ALPK1: variants seen among roughly 807,000 people sequenced by gnomAD.
The protein encoded by ALPK1 is alpha kinase 1.
A neutral mutation model predicts 120.6 loss-of-function variants in ALPK1; 110 were observed. The ratio of observed to expected loss-of-function variants is 0.91; its 90% CI spans 0.78 to 1.07. The LOEUF (loss-of-function observed/expected upper bound fraction) is 1.07. Among genes scored for constraint, ALPK1 ranks in the 50% least tolerant of loss-of-function variants. ALPK1 has a pLI of 0.00. For missense variants in ALPK1, 1,498 were observed against 1,483.9 expected, an observed-to-expected ratio of 1.01 and a Z score of -0.16; for synonymous variants, 582 against 560.3, an observed-to-expected ratio of 1.04 and a Z score of -0.55.
chr4:112,308,929 G>T (rs920528998), intron 1 of ALPK1, among the ~76,000 whole-genome samples: 2 of 152,222 alleles, frequency 1.3e-5, no homozygotes, highest in South Asian at 2.1e-4. Flanking sequence ...GGGTTTTGGT[G>T]TGGATGTCCT....
intron 5 of ALPK1, among the ~76,000 whole-genome samples, chr4:112,417,192 C>G (rs1006826656): frequency 2.6e-5 from 4 of 152,118 alleles, no homozygotes; most frequent in African/African-American, 9.7e-5. Context: ...AGACAGCTCT[C>G]TCATTCACAC....
At chr4:112,325,984 T>G (rs533263083) in intron 2 of ALPK1, among the ~76,000 whole-genome samples, 1 of 152,222 alleles carries the variant, frequency 6.6e-6, no homozygotes, top group South Asian at 2.1e-4. Context: ...CCCCTCACAC[T>G]CAAACTGGTG....
In ALPK1 at chr4:112,435,214, TG is replaced by T; in HGVS notation, c.3106del (p.Asp1036ThrfsTer3). ...ACGGCCCAGGAAACTATTGTCTATT[TG>T]GGGGACTACTTGACTGTGAAGAAAA... ...LWTAQETIVYLGDYLTVKKKG... is the reference protein window; with the variant it reads ...LWTAQETIVYXGDYLTVKKKG... On this transcript the variant is annotated frameshift_variant, in exon 12 of 16. Transcript: ENST00000650871. LOFTEE classifies it high-confidence loss of function. The T allele has an allele frequency of 1.2e-6, 2 of 1,613,740 alleles. No homozygotes were observed. Among genetic ancestry groups the T allele is most frequent in the Non-Finnish European group, 1.7e-6 (2 of 1,179,858 alleles).
chr4:112,417,070 T>C (rs1733777529), intron 5 of ALPK1, among the ~76,000 whole-genome samples: 1 of 152,078 alleles, frequency 6.6e-6, no homozygotes, highest in Non-Finnish European at 1.5e-5. Flanking sequence ...TCCAAAAAAT[T>C]GAGAGGACAT....
chr4:112,425,525 T>G, intron 6 of ALPK1, 140 bp from the exon 7 acceptor site: 1 of 663,964 alleles, frequency 1.5e-6, no homozygotes, highest in East Asian at 2.9e-5. Context: ...GCAAGAAGTT[T>G]GGACCTGATT....
chr4:112,402,948 C>A (rs957525762), intron 4 of ALPK1, among the ~76,000 whole-genome samples: 2 of 151,928 alleles, frequency 1.3e-5, no homozygotes, highest in African/African-American at 4.8e-5. Context: ...AAAAAGAATC[C>A]TGAATCAAAT....
chr4:112,431,307 C>T lies in ALPK1; in HGVS notation c.1760C>T (p.Ser587Leu). The change falls in exon 11 of 16, where the codon TCA (serine) becomes TTA (leucine). Residue 587 changes from serine to leucine, a missense_variant. Ser to Leu is a moderately radical substitution (Grantham distance 145). Transcript: ENST00000650871. ...ACTTCCAGTGCTTGGAGCAACTTAT[C>T]AGGGTTTAGTTCCTCTGCAAGCTGG... is the stretch of plus-strand genomic sequence containing the variant. ...SQTSSAWSNL[S>L]GFSSSASWEE... The T allele has an allele frequency of 6.2e-7, 1 of 1,614,194 alleles. No individual in the cohort carries two copies. Among genetic ancestry groups the T allele is most frequent in the Non-Finnish European group, 8.5e-7 (1 of 1,180,032 alleles).
chr4:112,325,393 A>G (rs557591387), intron 2 of ALPK1, among the ~76,000 whole-genome samples: 112 of 152,240 alleles, frequency 7.4e-4, no homozygotes, highest in Non-Finnish European at 1.4e-3. Flanking sequence ...TTAGAAATGT[A>G]TAGTTAAGCA....
At chr4:112,395,205 T>C (rs1285103819) in intron 4 of ALPK1, among the ~76,000 whole-genome samples, 3 of 152,160 alleles carry the variant, frequency 2.0e-5, no homozygotes, top group Non-Finnish European at 4.4e-5. Flanking sequence ...CTCAGAGAGC[T>C]TGAGAGACAT....
At chr4:112,372,295 G>A (rs976813647) in intron 2 of ALPK1, among the ~76,000 whole-genome samples, 1 of 151,082 alleles carries the variant, frequency 6.6e-6, no homozygotes, top group Non-Finnish European at 1.5e-5. Flanking sequence ...TTCACTGCAG[G>A]CTCCACCTCC....
At chr4:112,344,929 C>G (rs1257293091) in intron 2 of ALPK1, among the ~76,000 whole-genome samples, 1 of 152,198 alleles carries the variant, frequency 6.6e-6, no homozygotes, top group East Asian at 1.9e-4. Context: ...TGGTTCAAAA[C>G]CTCTAAGCAT....
intron 1 of ALPK1, among the ~76,000 whole-genome samples, chr4:112,301,669 A>T (rs1359796469): frequency 6.6e-6 from 1 of 152,216 alleles, no homozygotes; most frequent in Non-Finnish European, 1.5e-5. Flanking sequence ...TTGTAGGAAG[A>T]GAAATCCTCT....
At chr4:112,360,376 G>A (rs571461303) in intron 2 of ALPK1, among the ~76,000 whole-genome samples, 10 of 152,040 alleles carry the variant, frequency 6.6e-5, no homozygotes, top group South Asian at 4.2e-4. Context: ...TGAATAATGC[G>A]GCCATGAATA....
At chr4:112,404,597 C>A (rs1733081717) in intron 4 of ALPK1, among the ~76,000 whole-genome samples, 1 of 152,174 alleles carries the variant, frequency 6.6e-6, no homozygotes, top group East Asian at 1.9e-4. Flanking sequence ...ATTTTTATAT[C>A]TTCCATGTCT....
Position 112,440,928 on chromosome 4 carries a change from G to A in ALPK1, c.3550G>A (p.Gly1184Ser), listed in dbSNP as rs558292827. 41 of 1,610,596 alleles carry A rather than the reference G, an allele frequency of 2.5e-5. No individual in the cohort carries two copies. The highest frequency in any genetic ancestry group is 1.3e-4 in the South Asian group (12 of 90,572). ...VVVDLQGWVT[G>S]NGKGLIYLTD... is the part of the protein sequence containing the mutation. ...CATTTCTCTTTTAGGTTGGGTAACCGGTAATGGAAAAGGACTCATCTACCT... is the reference window on the plus strand; with the variant it reads ...CATTTCTCTTTTAGGTTGGGTAACCAGTAATGGAAAAGGACTCATCTACCT... Residue 1184 changes from glycine (G) to serine (S), a missense_variant, in exon 15 of 16, where the codon GGT becomes AGT. By Grantham distance (56) the Gly-to-Ser change is moderately conservative. Transcript: ENST00000650871.
At chr4:112,311,320 G>A (rs1033502418) in intron 1 of ALPK1, among the ~76,000 whole-genome samples, 1 of 152,120 alleles carries the variant, frequency 6.6e-6, no homozygotes, top group Non-Finnish European at 1.5e-5. Flanking sequence ...ATAAGTATTT[G>A]TTAAGCTTGT....
At chr4:112,343,536 G>A (rs1175378993) in intron 2 of ALPK1, 3 of 152,220 alleles carry the variant, frequency 2.0e-5, no homozygotes, top group African/African-American at 7.2e-5. Flanking sequence ...AGCTGCAAGA[G>A]AGGGCCATCT....
At chr4:112,358,301 G>A (rs1049119480) in intron 2 of ALPK1, 21 of 599,940 alleles carry the variant, frequency 3.5e-5, no homozygotes, top group African/African-American at 1.1e-4. Flanking sequence ...GTACAACTTC[G>A]GCCATGTCAT....
At position 112,438,509 on chromosome 4, in the gene ALPK1, C is replaced by A. The variant is rs751561819; in HGVS notation, c.3214C>A (p.Gln1072Lys). 30 of 1,613,542 alleles carry A rather than the reference C, an allele frequency of 1.9e-5. No homozygotes were observed. The highest frequency in any genetic ancestry group is 2.2e-5 in the Non-Finnish European group (26 of 1,179,742). ...GRYVGKDYKE[Q>K]KGLWHHFTDV... ...GTATGTTGGGAAAGACTATAAGGAG[C>A]AGAAGGGGCTCTGGCACCACTTCAC... is the stretch of plus-strand genomic sequence containing the variant. The change falls in exon 13 of 16, where the codon CAG becomes AAG. Residue 1072 changes from glutamine to lysine, a missense_variant. By Grantham distance (53) the Gln-to-Lys change is moderately conservative (BLOSUM62 1). Transcript: ENST00000650871.
Sources: allele counts gnomAD v4.1 joint callset (sites outside exome capture counted in the v4.1 genomes callset), GRCh38; gene constraint gnomAD v4.1.1; transcripts MANE v1.5; gene names NCBI Gene and HGNC (gene_info 2026-07-23, HGNC 2026-07-21).